The following HTR7 variants were observed in gnomAD, a reference collection of about 807,000 sequenced individuals.
HTR7 encodes the protein 5-hydroxytryptamine receptor 7.
HTR7 carries 16 observed loss-of-function variants against 34.0 expected under a neutral mutation model. The observed-to-expected ratio is 0.47, with a 90% CI of 0.32 to 0.71. The LOEUF is 0.71. Among genes scored for constraint, HTR7 ranks in the 30% least tolerant of loss-of-function variants. The pLI, the probability that HTR7 is intolerant of heterozygous loss-of-function variation, is 0.04. For missense variants in HTR7, 504 were observed against 625.5 expected (o/e 0.81, Z 2.07); for synonymous variants, 265 against 260.2 (o/e 1.02, Z -0.18).
intron 1 of HTR7, among the ~76,000 whole-genome samples, chr10:90,818,840 C>T (rs1356371833): frequency 6.6e-6 from 1 of 152,166 alleles, no homozygotes. Flanking sequence ...ATCATGGAGG[C>T]AGACTTCCTC....
chr10:90,846,834 G>T (rs1020101666), intron 1 of HTR7, among the ~76,000 whole-genome samples: 2 of 152,204 alleles, frequency 1.3e-5, no homozygotes, highest in African/African-American at 4.8e-5. Context: ...CATAACTAAA[G>T]GGGGAAGGGG....
intron 1 of HTR7, among the ~76,000 whole-genome samples, chr10:90,752,111 A>G (rs976782096): frequency 1.3e-5 from 2 of 152,188 alleles, no homozygotes; most frequent in Admixed American, 1.3e-4. Context: ...GACATCCTAC[A>G]ATAAGGTAGT....
intron 3 of HTR7, among the ~76,000 whole-genome samples, chr10:90,743,047 T>C (rs1187927465): frequency 6.6e-6 from 1 of 152,072 alleles, no homozygotes; most frequent in Non-Finnish European, 1.5e-5. Flanking sequence ...AAAAAGTCCC[T>C]TTCTCCTGGT....
intron 1 of HTR7, among the ~76,000 whole-genome samples, chr10:90,849,093 T>C (rs1274289867): frequency 6.6e-6 from 1 of 152,238 alleles, no homozygotes; most frequent in Non-Finnish European, 1.5e-5. Context: ...AGGTGTATTA[T>C]TTCAAGTTTT....
intron 1 of HTR7, among the ~76,000 whole-genome samples, chr10:90,817,504 T>C (rs1047065471): frequency 4.6e-5 from 7 of 152,238 alleles, no homozygotes; most frequent in South Asian, 2.1e-4. Context: ...CCTTATCTTA[T>C]GTAAGATGTA....
intron 1 of HTR7, among the ~76,000 whole-genome samples, chr10:90,838,273 G>T (rs895162300): frequency 6.6e-6 from 1 of 152,084 alleles, no homozygotes; most frequent in African/African-American, 2.4e-5. Context: ...CTACTGAATT[G>T]CTTGAGCCAA....
intron 1 of HTR7, among the ~76,000 whole-genome samples, chr10:90,831,589 C>T (rs962526897): frequency 1.3e-5 from 2 of 152,224 alleles, no homozygotes; most frequent in South Asian, 2.1e-4. Context: ...CCACTGCTGG[C>T]TCGCGCAGCC....
chr10:90,774,711 G>A (rs74905864), intron 1 of HTR7, among the ~76,000 whole-genome samples: 4,115 of 152,168 alleles, frequency 0.027, 155 homozygotes, highest in African/African-American at 0.083. Flanking sequence ...TCAGTGCATG[G>A]GCCCCACAGC....
chr10:90,856,050 G>C (rs954095139), intron 1 of HTR7, among the ~76,000 whole-genome samples: 1 of 152,066 alleles, frequency 6.6e-6, no homozygotes, highest in Non-Finnish European at 1.5e-5. Context: ...CATCCTTTGA[G>C]GCACTGTCAT....
At chr10:90,762,296 C>T (rs574956243) in intron 1 of HTR7, among the ~76,000 whole-genome samples, 29 of 152,274 alleles carry the variant, frequency 1.9e-4, no homozygotes, top group African/African-American at 7.0e-4. Flanking sequence ...CACGAACACT[C>T]GTTATTTCTT....
chr10:90,816,781 C>T (rs1242792586), intron 1 of HTR7, among the ~76,000 whole-genome samples: 1 of 152,168 alleles, frequency 6.6e-6, no homozygotes, highest in Non-Finnish European at 1.5e-5. Context: ...TATACAAGCA[C>T]CCTCCCTCTA....
intron 1 of HTR7, among the ~76,000 whole-genome samples, chr10:90,774,135 T>C (rs899800589): frequency 2.0e-5 from 3 of 152,090 alleles, no homozygotes. Flanking sequence ...GCTCAGGTTA[T>C]CTTCAGGCCC....
chr10:90,753,860 T>C (rs942921563), intron 1 of HTR7, among the ~76,000 whole-genome samples: 4 of 152,042 alleles, frequency 2.6e-5, no homozygotes, highest in South Asian at 4.1e-4. Flanking sequence ...AGATAAGTAA[T>C]AGAATATCAT....
At chr10:90,747,183 T>G (rs889362523) in intron 2 of HTR7, among the ~76,000 whole-genome samples, 1 of 152,254 alleles carries the variant, frequency 6.6e-6, no homozygotes, top group Non-Finnish European at 1.5e-5. Flanking sequence ...GCAGGTAGCA[T>G]GCTGCATAGC....
chr10:90,835,692 A>G (rs1846243078), intron 1 of HTR7, among the ~76,000 whole-genome samples: 1 of 152,206 alleles, frequency 6.6e-6, no homozygotes, highest in Non-Finnish European at 1.5e-5. Context: ...GGACCTCAGC[A>G]TTTGGTGTGC....
chr10:90,855,256 T>C (rs544863924), intron 1 of HTR7, among the ~76,000 whole-genome samples: 1 of 152,246 alleles, frequency 6.6e-6, no homozygotes, highest in African/African-American at 2.4e-5. Context: ...GAAGGATTAA[T>C]GTCTTCTCAG....
At chr10:90,765,015 A>G (rs34301914) in intron 1 of HTR7, among the ~76,000 whole-genome samples, 10,950 of 152,200 alleles carry the variant, frequency 0.072, 455 homozygotes, top group Middle Eastern at 0.16. Flanking sequence ...TCCTCATCCA[A>G]CTATGGTATC....
At chr10:90,854,256 A>G (rs1247352948) in intron 1 of HTR7, among the ~76,000 whole-genome samples, 1 of 152,286 alleles carries the variant, frequency 6.6e-6, no homozygotes, top group East Asian at 1.9e-4. Flanking sequence ...GCAGGGGCTC[A>G]GGCACGAGAA....
chr10:90,787,172 C>T (rs77620103), intron 1 of HTR7, among the ~76,000 whole-genome samples: 4,768 of 152,234 alleles, frequency 0.031, 231 homozygotes, highest in African/African-American at 0.1. Context: ...ATGTGCCAGA[C>T]ACACTGGGGA....
Sources: allele counts gnomAD v4.1 joint callset (sites outside exome capture counted in the v4.1 genomes callset), GRCh38; gene constraint gnomAD v4.1.1; transcripts MANE v1.5; gene names NCBI Gene and HGNC (gene_info 2026-07-23, HGNC 2026-07-21).